The following ZMYM6 variants were observed in gnomAD, a reference collection of about 807,000 sequenced individuals.
ZMYM6 encodes zinc finger MYM-type containing 6.
ZMYM6 carries 90 observed loss-of-function variants against 134.0 expected under a neutral mutation model. The ratio of observed to expected loss-of-function variants is 0.67; its 90% CI spans 0.57 to 0.80. The LOEUF (loss-of-function observed/expected upper bound fraction) is 0.80. Ranked by LOEUF, ZMYM6 falls within the 30% of genes least tolerant of loss-of-function variation. The pLI, the probability that ZMYM6 is intolerant of heterozygous loss-of-function variation, is 0.00. For synonymous variants in ZMYM6, 481 were observed against 524.1 expected, an observed-to-expected ratio of 0.92 and a Z score of 1.12; for missense variants, 1,362 against 1,533.9, an observed-to-expected ratio of 0.89 and a Z score of 1.87.
At position 35,018,825 on chromosome 1, in the gene ZMYM6, G is replaced by A. The variant is rs187295128; in HGVS notation, c.428+528C>T. 729 of 156,598 alleles carry A rather than the reference G, an allele frequency of 4.7e-3. 4 individuals are homozygous for A. Among genetic ancestry groups the A allele is most frequent in the Non-Finnish European group, 7.8e-3 (555 of 70,958 alleles). 9.7% of individuals were successfully genotyped at this position (156,598 alleles called of 1,614,324 possible). ...GCAAAATATGCCAAATCCTTCAAAT[G>A]TACTAAGTCAGGGAAAGATTTATGT... On this transcript the variant is annotated intron_variant, in intron 4 of 15. Transcript: ENST00000357182.
At chr1:35,026,439 T>G (rs1291232718) in intron 2 of ZMYM6, among the ~76,000 whole-genome samples, 1 of 151,676 alleles carries the variant, frequency 6.6e-6, no homozygotes, top group Non-Finnish European at 1.5e-5. Flanking sequence ...ACATAGAAAA[T>G]AATACACAAT....
At chr1:35,007,887 A>T (rs1641013938) in intron 11 of ZMYM6, among the ~76,000 whole-genome samples, 1 of 152,200 alleles carries the variant, frequency 6.6e-6, no homozygotes, top group Non-Finnish European at 1.5e-5. Flanking sequence ...AAGTAAAAAA[A>T]AAATAAAGAT....
chr1:35,019,672 C>G lies in ZMYM6; in HGVS notation c.179-70G>C. The G allele has an allele frequency of 3.4e-6, 5 of 1,473,036 alleles. No individual in the cohort carries two copies. The South Asian group carries it at 5.8e-5, about 17-fold the overall frequency. 91.2% of individuals were successfully genotyped at this position (1,473,036 alleles called of 1,614,324 possible). On this transcript the variant is annotated intron_variant, in intron 3 of 15. Transcript: ENST00000357182. ...ATATACAGTCTCAGTCTCTCTCTCT[C>G]TCTCTCTTTTTTCTTTTTCTGAGAC...
chr1:35,008,631 C>G (rs1036298160), intron 11 of ZMYM6, 121 bp downstream of exon 11: 3 of 925,390 alleles, frequency 3.2e-6, no homozygotes, highest in African/African-American at 3.4e-5. Context: ...TATTATAGCC[C>G]ATAACTTATT....
intron 6 of ZMYM6, 61 bp downstream of exon 6, chr1:35,014,636 C>T: frequency 6.5e-7 from 1 of 1,528,064 alleles, no homozygotes; most frequent in East Asian, 2.3e-5. Context: ...TGTAGTTCAT[C>T]CCTGTGCAGC....
chr1:35,021,117 A>AT lies in ZMYM6; in HGVS notation c.94-651_94-650insA, dbSNP rs1487834854. Among the ~76,000 whole-genome samples, 1,091 of 138,794 alleles carry AT rather than the reference A, an allele frequency of 7.9e-3. 11 individuals are homozygous for AT. Among genetic ancestry groups the AT allele is most frequent in the African/African-American group, 0.033 (1,008 of 30,382 alleles). The allele number at this position is 138,794 out of a possible 152,430, so 91.1% of individuals were successfully genotyped here. On this transcript the variant is annotated intron_variant, in intron 2 of 15. Transcript: ENST00000357182. Reference sequence around the variant, plus strand: ...AAAGGGGGTAATAAATGAAAAAAAAAATTTTTTTTTTTTTTTGACATGGAG... The same window carrying AT: ...AAAGGGGGTAATAAATGAAAAAAAAATATTTTTTTTTTTTTTTGACATGGAG...
chr1:34,992,972 G>C (rs1471033601), intron 14 of ZMYM6, among the ~76,000 whole-genome samples: 1 of 149,154 alleles, frequency 6.7e-6, no homozygotes, highest in Non-Finnish European at 1.5e-5. Flanking sequence ...AGGACAACTG[G>C]CTACTCAGAA....
rs1387334382 is a variant in ZMYM6 at position 34,988,926 on chromosome 1, A to G, written c.2156T>C (p.Met719Thr). 5 of 1,610,074 alleles carry G rather than the reference A, an allele frequency of 3.1e-6. No individual in the cohort carries two copies. Among genetic ancestry groups the G allele is most frequent in the African/African-American group, 1.3e-5 (1 of 74,712 alleles). ...TTCTGCATCATTTTTTTCATTAGGC[A>G]TAGGTAAATCTGAATGAAATATTTG... is the stretch of plus-strand genomic sequence containing the variant. ...QHKECQTDLP[M>T]PNEKNDAELD... The change falls in exon 16 of 16, where the codon ATG (methionine) becomes ACG (threonine). Residue 719 changes from methionine (M) to threonine (T), a missense_variant. Physicochemically the swap from Met to Thr is moderately conservative, Grantham distance 81. This residue lies in a region of ZMYM6 where 824 missense variants were observed against 940.9 expected (regional missense o/e 0.88). Transcript: ENST00000357182.
intron 2 of ZMYM6, among the ~76,000 whole-genome samples, chr1:35,026,559 C>T (rs1231130916): frequency 6.6e-6 from 1 of 152,136 alleles, no homozygotes; most frequent in South Asian, 2.1e-4. Context: ...AGTTCCTACC[C>T]TCTTAAATAT....
chr1:34,990,477 T>A (rs1173717553), intron 15 of ZMYM6, among the ~76,000 whole-genome samples: 3 of 152,062 alleles, frequency 2.0e-5, no homozygotes, highest in African/African-American at 7.2e-5. Context: ...AGATAGACTC[T>A]GTCTCAAAAA....
chr1:35,031,072 G>A (rs576282423), intron 1 of ZMYM6, among the ~76,000 whole-genome samples: 102 of 152,316 alleles, frequency 6.7e-4, no homozygotes, highest in Non-Finnish European at 1.0e-3. Flanking sequence ...ATAAGAATCA[G>A]TACTTAGAGG....
At chr1:34,992,113 A>C (rs1640686322) in intron 15 of ZMYM6, 121 bp downstream of exon 15, 6 of 1,305,064 alleles carry the variant, frequency 4.6e-6, no homozygotes, top group Non-Finnish European at 6.6e-6. Context: ...CATGTGATCC[A>C]AGAAAAGGAA....
chr1:35,008,630 C>A, intron 11 of ZMYM6, 122 bp downstream of exon 11: 1 of 914,592 alleles, frequency 1.1e-6, no homozygotes, highest in Non-Finnish European at 1.6e-6. Flanking sequence ...CTATTATAGC[C>A]CATAACTTAT....
chr1:34,988,136 C>T lies in ZMYM6; in HGVS notation c.2946G>A (p.Gly982=), dbSNP rs1022655784. The change falls in exon 16 of 16, where the codon GGG becomes GGA. Residue 982 remains glycine (G), a synonymous_variant. Coordinates refer to ENST00000357182, the MANE Select transcript of ZMYM6 (RefSeq NM_007167.4). The part of the protein sequence containing the change: ...WKHCVGLCTD[G]AASMTGRYSG... ...AATACCTGCCAGTCATGCTTGCAGC[C>T]CCATCGGTACAGAGACCAACACAAT... The T allele has an allele frequency of 1.3e-6, 2 of 1,551,404 alleles. No homozygotes were observed. Among genetic ancestry groups the T allele is most frequent in the South Asian group, 1.2e-5 (1 of 84,050 alleles).
intron 4 of ZMYM6, among the ~76,000 whole-genome samples, chr1:35,015,899 T>A (rs1164057470): frequency 6.6e-6 from 1 of 150,620 alleles, no homozygotes; most frequent in Non-Finnish European, 1.5e-5. Flanking sequence ...AGCCAGAGGC[T>A]GCCCAAAGTA....
At chr1:35,013,257 TTTAAA>T in intron 6 of ZMYM6, 7 of 792,094 alleles carry the variant, frequency 8.8e-6, no homozygotes, top group Non-Finnish European at 1.1e-5. Context: ...TAACAAAAAG[TTTAAA>T]TTAACAGATG....
At chr1:35,024,378 A>T (rs930842801) in intron 2 of ZMYM6, among the ~76,000 whole-genome samples, 3 of 152,132 alleles carry the variant, frequency 2.0e-5, no homozygotes, top group African/African-American at 7.2e-5. Context: ...TCTAATCTCA[A>T]ATCCCAGATT....
chr1:35,011,060 A>C, intron 8 of ZMYM6, 24 bp from the exon 9 acceptor site: 1 of 1,595,320 alleles, frequency 6.3e-7, no homozygotes, highest in Non-Finnish European at 8.5e-7. Flanking sequence ...AATAAGGTAA[A>C]GATTTTATCA....
intron 13 of ZMYM6, among the ~76,000 whole-genome samples, chr1:35,004,728 A>T (rs1640935361): frequency 6.6e-6 from 1 of 152,016 alleles, no homozygotes; most frequent in Non-Finnish European, 1.5e-5. Context: ...GAGGGGGTGC[A>T]TGTTCCCCTA....
Sources: gnomAD v4.1 joint callset for allele counts (sites outside exome capture counted in the v4.1 genomes callset) on GRCh38, gnomAD v4.1.1 for gene constraint, gnomAD v4.1.1 regional missense constraint, MANE v1.5 for transcripts, NCBI Gene and HGNC (gene_info 2026-07-23, HGNC 2026-07-21) for gene names.